MAF: variants seen among roughly 807,000 people sequenced by gnomAD.
The protein encoded by MAF is transcription factor Maf.
A neutral mutation model predicts 22.0 loss-of-function variants in MAF; 10 were observed. That is an observed-to-expected ratio of 0.45 (90% CI 0.28 to 0.77). MAF has a LOEUF of 0.77. MAF is among the 30% of genes least tolerant of loss of function. The pLI, the probability that MAF is intolerant of heterozygous loss-of-function variation, is 0.12. For missense variants in MAF, 544 were observed against 548.4 expected, an observed-to-expected ratio of 0.99 and a Z score of 0.08; for synonymous variants, 337 against 255.8, an observed-to-expected ratio of 1.32 and a Z score of -3.03.
intron 1 of MAF, chr16:79,597,570 T>C: frequency 9.8e-7 from 1 of 1,023,082 alleles, no homozygotes; most frequent in Non-Finnish European, 1.2e-6. Flanking sequence ...ATGCCTTCAG[T>C]GCATTGGGAG....
the MAF span, among the ~76,000 whole-genome samples, chr16:79,477,712 T>G: frequency 1.3e-5 from 2 of 152,106 alleles, no homozygotes; most frequent in Non-Finnish European, 2.9e-5. Flanking sequence ...ATTGTGGAAT[T>G]AAGTGACATT....
chr16:79,465,968 C>T, the MAF span, among the ~76,000 whole-genome samples: 1 of 152,278 alleles, frequency 6.6e-6, no homozygotes, highest in Non-Finnish European at 1.5e-5. Flanking sequence ...TTGGGCTTGG[C>T]AAACTTGTAT....
the MAF span, among the ~76,000 whole-genome samples, chr16:79,399,531 T>A: frequency 9.8e-5 from 15 of 152,322 alleles, 1 homozygote; most frequent in African/African-American, 3.6e-4. Context: ...CAAAGAAAAC[T>A]GACACCAATT....
At chr16:79,542,583 A>T in the MAF span, among the ~76,000 whole-genome samples, 2 of 152,196 alleles carry the variant, frequency 1.3e-5, no homozygotes, top group African/African-American at 4.8e-5. Context: ...CTTCCCCTCC[A>T]ATCAGAGGTC....
the MAF span, among the ~76,000 whole-genome samples, chr16:79,360,708 C>G: frequency 6.6e-6 from 1 of 152,168 alleles, no homozygotes; most frequent in African/African-American, 2.4e-5. Context: ...TTTCTGCTTG[C>G]TCTGCAAGTG....
the MAF span, among the ~76,000 whole-genome samples, chr16:79,349,438 C>T: frequency 1.3e-5 from 2 of 152,220 alleles, no homozygotes; most frequent in African/African-American, 2.4e-5. Flanking sequence ...CCAAATACCC[C>T]TTCTCTCTTG....
the MAF span, among the ~76,000 whole-genome samples, chr16:79,496,515 C>A: frequency 6.6e-6 from 1 of 152,206 alleles, no homozygotes; most frequent in African/African-American, 2.4e-5. Context: ...GTTATCACAG[C>A]TGCTACTAGA....
chr16:79,536,672 A>C, the MAF span, among the ~76,000 whole-genome samples: 47,883 of 152,040 alleles, frequency 0.31, 8,323 homozygotes, highest in East Asian at 0.5. Flanking sequence ...ATTGAGAAAA[A>C]ATTTTAAAAA....
the MAF span, among the ~76,000 whole-genome samples, chr16:79,534,729 A>G: frequency 3.7e-3 from 565 of 152,302 alleles, 1 homozygote; most frequent in African/African-American, 0.013. Flanking sequence ...TAGAACTTAA[A>G]GTATAATTTA....
At chr16:79,339,302 G>A in the MAF span, among the ~76,000 whole-genome samples, 5 of 152,064 alleles carry the variant, frequency 3.3e-5, no homozygotes, top group African/African-American at 7.2e-5. Context: ...CTCATGATCC[G>A]CCTGCCTCGG....
At chr16:79,212,256 A>ATTGTT in the MAF span, 2 of 1,306,720 alleles carry the variant, frequency 1.5e-6, no homozygotes, top group South Asian at 1.6e-5. Context: ...CCAGGAGATA[A>ATTGTT]TTGTTTCATT....
chr16:79,574,131 G>C, the MAF span, among the ~76,000 whole-genome samples: 1 of 152,188 alleles, frequency 6.6e-6, no homozygotes, highest in South Asian at 2.1e-4. Context: ...AATTTAAAAC[G>C]TAATTGTCTT....
At chr16:79,353,579 T>C in the MAF span, among the ~76,000 whole-genome samples, 1 of 152,148 alleles carries the variant, frequency 6.6e-6, no homozygotes, top group Admixed American at 6.5e-5. Flanking sequence ...GTCATCTGCA[T>C]AGCACCTGTT....
chr16:79,565,967 G>C, the MAF span, among the ~76,000 whole-genome samples: 19 of 152,166 alleles, frequency 1.2e-4, no homozygotes, highest in Non-Finnish European at 2.5e-4. Flanking sequence ...TGGACATCAA[G>C]TCTGGCAGAC....
chr16:79,566,497 C>T, the MAF span, among the ~76,000 whole-genome samples: 3 of 152,300 alleles, frequency 2.0e-5, no homozygotes, highest in South Asian at 6.2e-4. Context: ...GAGCATCTTG[C>T]CCACCTTTCA....
the MAF span, among the ~76,000 whole-genome samples, chr16:79,295,396 A>T: frequency 6.6e-6 from 1 of 152,226 alleles, no homozygotes; most frequent in Non-Finnish European, 1.5e-5. Context: ...AGGGAAAGTG[A>T]TGTGCAGAAA....
chr16:79,321,388 A>G, the MAF span, among the ~76,000 whole-genome samples: 2 of 152,226 alleles, frequency 1.3e-5, no homozygotes, highest in African/African-American at 2.4e-5. Flanking sequence ...AATGTCTAGT[A>G]TGTCCCAAAT....
At chr16:79,397,014 T>C in the MAF span, among the ~76,000 whole-genome samples, 7 of 152,244 alleles carry the variant, frequency 4.6e-5, no homozygotes, top group Non-Finnish European at 7.3e-5. Flanking sequence ...AGTCATTTAT[T>C]ACCTTCTCTG....
chr16:79,505,109 G>T, the MAF span, among the ~76,000 whole-genome samples: 2 of 152,114 alleles, frequency 1.3e-5, no homozygotes, highest in African/African-American at 2.4e-5. Flanking sequence ...TACCTACAAG[G>T]TAAGTTATTT....
Sources: gnomAD v4.1 joint callset for allele counts (sites outside exome capture counted in the v4.1 genomes callset) on GRCh38, gnomAD v4.1.1 for gene constraint, MANE v1.5 for transcripts, NCBI Gene and HGNC (gene_info 2026-07-23, HGNC 2026-07-21) for gene names.